Variants in PLEKHG7 observed in about 807,000 individuals in gnomAD.
The protein encoded by PLEKHG7 is pleckstrin homology and RhoGEF domain containing G7.
Under a neutral mutation model 85.2 loss-of-function variants are expected in PLEKHG7, and 77 were observed. That is an observed-to-expected ratio of 0.90 (90% CI 0.75 to 1.09). The LOEUF is 1.09. Among genes scored for constraint, PLEKHG7 ranks in the 50% least tolerant of loss-of-function variants. The probability of loss-of-function intolerance (pLI) is 0.00; values close to 1 mark genes in which losing one functional copy is unlikely to be tolerated. For missense variants in PLEKHG7, 777 were observed against 804.3 expected (o/e 0.97, Z 0.41); for synonymous variants, 301 against 302.4 (o/e 1.00, Z 0.05).
intron 3 of PLEKHG7, among the ~76,000 whole-genome samples, chr12:92,718,550 A>G (rs1390559277): frequency 2.0e-5 from 3 of 152,178 alleles, no homozygotes; most frequent in Non-Finnish European, 4.4e-5. Flanking sequence ...AAGGAAATTG[A>G]TTGGTAGTTG....
Position 92,736,587 on chromosome 12 carries a change from A to C in PLEKHG7, c.795+10A>C. ...CTTCTACGGTCTTAAGGTATCTTTC[A>C]AACTGTTAACTATGGGGTTTGACTT... On this transcript the variant is annotated intron_variant, in intron 6 of 16. Transcript: ENST00000344636. 8.2e-7 allele frequency: 1 copy of C among 1,217,080 alleles called. No homozygotes were observed. The highest frequency in any genetic ancestry group is 1.0e-6 in the Non-Finnish European group (1 of 974,264). The allele number at this position is 1,217,080 out of a possible 1,614,324, so 75.4% of individuals were successfully genotyped here.
rs1182146810 is a variant in PLEKHG7 at position 92,727,969 on chromosome 12, T to TATATACAC, written c.531-1019_531-1018insCACATATA. ...GTGTGTGTGTGTGTGTGTGTATATA[T>TATATACAC]ATATATACACATATATACACACACC... On this transcript the variant is annotated intron_variant, in intron 3 of 16. Coordinates refer to ENST00000344636, the MANE Select transcript of PLEKHG7 (RefSeq NM_001377329.1). 3.8e-4 allele frequency among the ~76,000 whole-genome samples: 57 copies of TATATACAC among 148,900 alleles called. 4 individuals are homozygous for TATATACAC. The highest frequency in any genetic ancestry group is 4.3e-4 in the Non-Finnish European group (29 of 67,326).
At chr12:92,711,533 T>C (rs935167755) in intron 3 of PLEKHG7, among the ~76,000 whole-genome samples, 7 of 152,206 alleles carry the variant, frequency 4.6e-5, no homozygotes, top group East Asian at 3.8e-4. Flanking sequence ...CAGTTCATGA[T>C]AGGCAGTTCA....
At chr12:92,726,688 G>A (rs2136588181) in intron 3 of PLEKHG7, among the ~76,000 whole-genome samples, 1 of 152,182 alleles carries the variant, frequency 6.6e-6, no homozygotes, top group South Asian at 2.1e-4. Context: ...GTTCCCTACT[G>A]TGTCTGTGAC....
chr12:92,763,685 G>A (rs1214893959), intron 14 of PLEKHG7, among the ~76,000 whole-genome samples: 2 of 151,970 alleles, frequency 1.3e-5, no homozygotes, highest in Middle Eastern at 3.2e-3. Context: ...GCATGGTGGT[G>A]TATGCCTGTA....
chr12:92,770,027 G>A (rs1873357374), intron 16 of PLEKHG7, 61 bp from the exon 17 acceptor site: 2 of 1,121,932 alleles, frequency 1.8e-6, no homozygotes, highest in Admixed American at 4.7e-5. Flanking sequence ...CCAAATATGT[G>A]AGAAATTGTC....
intron 12 of PLEKHG7, 119 bp from the exon 13 acceptor site, chr12:92,756,179 C>T: frequency 5.1e-6 from 4 of 777,014 alleles, no homozygotes; most frequent in Non-Finnish European, 4.2e-6. Context: ...CCATGTCCAT[C>T]TGCTGGCATT....
intron 4 of PLEKHG7, 131 bp from the exon 5 acceptor site, chr12:92,732,102 G>C (rs1872008048): frequency 2.2e-6 from 1 of 452,412 alleles, no homozygotes; most frequent in East Asian, 3.5e-5. Flanking sequence ...ATTCTCAAGA[G>C]AAAGAGAATT....
At chr12:92,711,987 T>A (rs1235102098) in intron 3 of PLEKHG7, among the ~76,000 whole-genome samples, 1 of 152,236 alleles carries the variant, frequency 6.6e-6, no homozygotes, top group African/African-American at 2.4e-5. Context: ...GGGCCAAATG[T>A]AGCAACTTAT....
intron 13 of PLEKHG7, among the ~76,000 whole-genome samples, chr12:92,756,843 C>A (rs192229833): frequency 2.6e-5 from 4 of 152,296 alleles, no homozygotes; most frequent in East Asian, 1.9e-4. Flanking sequence ...CTGTATAATT[C>A]TTTCCCTCTA....
chr12:92,731,288 C>T (rs192847373), intron 4 of PLEKHG7, among the ~76,000 whole-genome samples: 4 of 152,114 alleles, frequency 2.6e-5, no homozygotes, highest in South Asian at 2.1e-4. Flanking sequence ...TAATAAAGAT[C>T]AATAAGCTGG....
intron 4 of PLEKHG7, among the ~76,000 whole-genome samples, chr12:92,732,019 C>T (rs536724072): frequency 8.5e-5 from 13 of 152,262 alleles, no homozygotes; most frequent in African/African-American, 3.1e-4. Flanking sequence ...AAGGCAGCAA[C>T]AGAACACCAA....
Position 92,740,872 on chromosome 12 carries a change from G to A in PLEKHG7, c.959G>A (p.Arg320Lys), listed in dbSNP as rs115614701. 1.0e-4 allele frequency: 163 copies of A among 1,607,334 alleles called. No individual in the cohort carries two copies. In the East Asian group the frequency reaches 3.6e-3, roughly 36 times the overall value. The change falls in exon 8 of 17, where the codon AGA becomes AAA. Residue 320 changes from arginine (R) to lysine (K), a missense_variant. By Grantham distance (26) the Arg-to-Lys change is conservative. Around this residue, in one of 3 missense-constraint regions of PLEKHG7, gnomAD observed 520 missense variants for 544.0 expected, o/e 0.96. Transcript: ENST00000344636. ...TCAAAGATCTTTATGAATACACTAA[G>A]ATATCTGCAAACTCATGAATATCTC... is the stretch of plus-strand genomic sequence containing the variant. ...VLKMIFMNTL[R>K]YLQTHEYLLD... is the part of the protein sequence containing the mutation.
intron 3 of PLEKHG7, among the ~76,000 whole-genome samples, chr12:92,727,691 C>T (rs919926185): frequency 5.3e-5 from 8 of 151,820 alleles, no homozygotes; most frequent in East Asian, 1.9e-4. Flanking sequence ...CAGGTTCAAG[C>T]GATTCTCCTG....
chr12:92,758,496 G>A (rs1872897755), intron 13 of PLEKHG7, among the ~76,000 whole-genome samples: 1 of 152,228 alleles, frequency 6.6e-6, no homozygotes, highest in Non-Finnish European at 1.5e-5. Context: ...GGAAGCTGGA[G>A]GAGCAGCTCC....
chr12:92,720,683 C>T (rs538703183), intron 3 of PLEKHG7, among the ~76,000 whole-genome samples: 164 of 152,256 alleles, frequency 1.1e-3, no homozygotes, highest in African/African-American at 3.8e-3. Context: ...CTCAGACAAT[C>T]CCGAATAATC....
chr12:92,750,328 A>G (rs1453348233), intron 10 of PLEKHG7, among the ~76,000 whole-genome samples: 1 of 152,212 alleles, frequency 6.6e-6, no homozygotes, highest in Non-Finnish European at 1.5e-5. Context: ...CAATAGAGAG[A>G]TGAAAGGAAA....
intron 5 of PLEKHG7, 37 bp from the exon 6 acceptor site, chr12:92,736,445 A>G (rs1872152285): frequency 3.5e-6 from 4 of 1,151,894 alleles, no homozygotes; most frequent in Admixed American, 4.2e-5. Context: ...TAAAGAATCA[A>G]TGTTTGAAAA....
chr12:92,715,975 G>T (rs914629544), intron 3 of PLEKHG7, among the ~76,000 whole-genome samples: 12 of 152,168 alleles, frequency 7.9e-5, no homozygotes, highest in Admixed American at 5.9e-4. Context: ...ATTAAGAAAT[G>T]CTTGCCTCTG....
Sources: allele counts gnomAD v4.1 joint callset (sites outside exome capture counted in the v4.1 genomes callset), GRCh38; gene constraint gnomAD v4.1.1; regional missense constraint gnomAD v4.1.1; transcripts MANE v1.5; gene names NCBI Gene and HGNC (gene_info 2026-07-23, HGNC 2026-07-21).